Variants in WDR26 observed in about 807,000 individuals in gnomAD.
The protein encoded by WDR26 is WD repeat-containing protein 26.
WDR26 carries 5 observed loss-of-function variants against 84.1 expected under a neutral mutation model. The observed-to-expected ratio is 0.06, with a 90% confidence interval of 0.03 to 0.13. The LOEUF (loss-of-function observed/expected upper bound fraction) is 0.13, where lower values mean the gene tolerates loss of function less well. WDR26 is among the 10% of genes least tolerant of loss of function. The pLI, the probability that WDR26 is intolerant of heterozygous loss-of-function variation, is 1.00. For missense variants in WDR26, 642 were observed against 974.9 expected (o/e 0.66, Z 4.55); for synonymous variants, 415 against 389.6 (o/e 1.07, Z -0.77).
intron 13 of WDR26, among the ~76,000 whole-genome samples, chr1:224,392,266 C>T (rs1673149038): frequency 6.6e-6 from 1 of 151,508 alleles, no homozygotes; most frequent in African/African-American, 2.4e-5. Flanking sequence ...GAGGCTGAGG[C>T]AGGAGAATGG....
Position 224,411,410 on chromosome 1 carries a change from C to A in WDR26, c.1458+17G>T. ...TATCCCCTTTTGTAATATAAACACT[C>A]ATATTGGGGTACATACCGGATCAAC... is the stretch of plus-strand genomic sequence containing the variant. On this transcript the variant is annotated intron_variant, in intron 7 of 13. Transcript: ENST00000414423. The A allele has an allele frequency of 6.3e-7, 1 of 1,593,438 alleles. No homozygotes were observed. The highest frequency in any genetic ancestry group is 8.5e-7 in the Non-Finnish European group (1 of 1,172,356).
At chr1:224,416,517 C>T (rs1246392939) in intron 6 of WDR26, among the ~76,000 whole-genome samples, 1 of 152,212 alleles carries the variant, frequency 6.6e-6, no homozygotes, top group African/African-American at 2.4e-5. Flanking sequence ...TGAGCCACCA[C>T]ACCCAGCCTG....
Position 224,434,233 on chromosome 1 carries a change from G to T in WDR26, c.173C>A (p.Ser58Tyr). Residue 58 changes from serine to tyrosine, a missense_variant, in exon 1 of 14, where the codon TCC (serine) becomes TAC (tyrosine). Physicochemically the swap from Ser to Tyr is moderately radical, Grantham distance 144. Around this residue, in one of 2 missense-constraint regions of WDR26, gnomAD observed 291 missense variants for 302.1 expected, o/e 0.96. Coordinates refer to ENST00000414423, the MANE Select transcript of WDR26 (RefSeq NM_001379403.1). ...GGAGGAGGAGGAGGAGGAGGACGAGGACGACGAGGACGGAGGGGAGAGGCC... is the reference window on the plus strand; with the variant it reads ...GGAGGAGGAGGAGGAGGAGGACGAGTACGACGAGGACGGAGGGGAGAGGCC... 7.2e-7 allele frequency: 1 copy of T among 1,384,026 alleles called. No individual in the cohort carries two copies. Among genetic ancestry groups the T allele is most frequent in the South Asian group, 1.8e-5 (1 of 56,072 alleles). 85.7% of individuals were successfully genotyped at this position (1,384,026 alleles called of 1,614,324 possible).
chr1:224,389,613 C>G lies in WDR26; in HGVS notation c.*222G>C. The G allele has an allele frequency of 3.3e-6, 2 of 599,420 alleles. No homozygotes were observed. The highest frequency in any genetic ancestry group is 5.8e-6 in the Non-Finnish European group (2 of 343,596). 37.1% of individuals were successfully genotyped at this position (599,420 alleles called of 1,614,324 possible). A position where few individuals can be genotyped will look rare whatever the true frequency, so the allele number is the denominator to read the frequency against. ...CTTCACAACCGATGGGGGAATAATT[C>G]AACATGGTGTCCAACAACGTTCTAA... On this transcript the variant is annotated 3_prime_UTR_variant, in exon 14 of 14. Coordinates refer to ENST00000414423, the MANE Select transcript of WDR26 (RefSeq NM_001379403.1).
chr1:224,399,862 G>A (rs932250242), intron 9 of WDR26, among the ~76,000 whole-genome samples: 8 of 152,086 alleles, frequency 5.3e-5, no homozygotes, highest in Admixed American at 5.2e-4. Flanking sequence ...ATCCCAGCAC[G>A]TTGGGAGGCC....
intron 5 of WDR26, among the ~76,000 whole-genome samples, chr1:224,419,210 A>C (rs1673988131): frequency 2.0e-5 from 3 of 152,234 alleles, no homozygotes; most frequent in Admixed American, 2.0e-4. Context: ...AGCACTTGTG[A>C]CTTAAAACTG....
rs1027970738 is a variant in WDR26 at position 224,386,030 on chromosome 1, C to T, written c.*3805G>A. 5.2e-5 allele frequency: 8 copies of T among 152,416 alleles called. No homozygotes were observed. The highest frequency in any genetic ancestry group is 6.8e-3 in the Middle Eastern group (2 of 294). 9.4% of individuals were successfully genotyped at this position (152,416 alleles called of 1,614,324 possible). Reference sequence around the variant, plus strand: ...ATTGGTTTTGTTAAATCCAGGCTATCTGGATTAAGTAGATAGGGGATGGGT... The same window carrying T: ...ATTGGTTTTGTTAAATCCAGGCTATTTGGATTAAGTAGATAGGGGATGGGT... On this transcript the variant is annotated 3_prime_UTR_variant, in exon 14 of 14. Coordinates refer to ENST00000414423, the MANE Select transcript of WDR26 (RefSeq NM_001379403.1).
At chr1:224,400,248 T>C (rs1673374742) in intron 9 of WDR26, among the ~76,000 whole-genome samples, 1 of 151,738 alleles carries the variant, frequency 6.6e-6, no homozygotes, top group Non-Finnish European at 1.5e-5. Flanking sequence ...TCACCACTTT[T>C]ATTATTCAAA....
At chr1:224,425,643 TTTAAACC>T (rs1226928938) in intron 3 of WDR26, among the ~76,000 whole-genome samples, 1 of 152,202 alleles carries the variant, frequency 6.6e-6, no homozygotes, top group Non-Finnish European at 1.5e-5. Flanking sequence ...TGAAACTTCT[TTTAAACC>T]TTAAACCTAA....
At position 224,431,732 on chromosome 1, in the gene WDR26, G is replaced by A; in HGVS notation, c.772C>T (p.Pro258Ser). ...TGATTTCGGAATTTGGTAGCAGAAG[G>A]ATGTTCTAAACGACATCCTGACTCT... Residue 258 changes from proline (P) to serine (S), a missense_variant, in exon 2 of 14, where the codon CCT becomes TCT. By Grantham distance (74) the Pro-to-Ser change is moderately conservative (BLOSUM62 -1). Transcript: ENST00000414423. 6.2e-7 allele frequency: 1 copy of A among 1,613,940 alleles called. No homozygotes were observed. Among genetic ancestry groups the A allele is most frequent in the Non-Finnish European group, 8.5e-7 (1 of 1,179,878 alleles).
chr1:224,421,276 T>C (rs1202607003), intron 4 of WDR26, among the ~76,000 whole-genome samples: 1 of 152,188 alleles, frequency 6.6e-6, no homozygotes, highest in African/African-American at 2.4e-5. Context: ...GTGAATGATA[T>C]TCCGATGACA....
chr1:224,400,779 C>G (rs1469328412), intron 9 of WDR26, among the ~76,000 whole-genome samples, 171 bp downstream of exon 9: 1 of 152,212 alleles, frequency 6.6e-6, no homozygotes, highest in Middle Eastern at 3.2e-3. Flanking sequence ...CTCCTGATCT[C>G]AGGTGATCCA....
intron 7 of WDR26, among the ~76,000 whole-genome samples, chr1:224,410,048 A>G (rs1644689211): frequency 6.6e-6 from 1 of 151,944 alleles, no homozygotes; most frequent in Non-Finnish European, 1.5e-5. Context: ...TGGGAGGCCG[A>G]GGAGGGCAGA....
intron 12 of WDR26, among the ~76,000 whole-genome samples, chr1:224,397,179 C>T (rs1046896798): frequency 1.3e-5 from 2 of 152,076 alleles, no homozygotes; most frequent in Non-Finnish European, 2.9e-5. Flanking sequence ...TTTGTAGAGA[C>T]AGTGTCTAGC....
Position 224,434,019 on chromosome 1 carries a change from G to C in WDR26, c.387C>G (p.Thr129=). The change falls in exon 1 of 14, where the codon ACC becomes ACG. Residue 129 remains threonine (T), a synonymous_variant. Coordinates refer to ENST00000414423, the MANE Select transcript of WDR26 (RefSeq NM_001379403.1). ...GGGCCGACAAGCAGGCGAGTTCCGG[G>C]GTCTGTCCCTGGCCCCCGCCGCCCC... The C allele has an allele frequency of 2.0e-6, 3 of 1,497,430 alleles. No homozygotes were observed. Among genetic ancestry groups the C allele is most frequent in the South Asian group, 2.6e-5 (2 of 78,236 alleles). The allele number at this position is 1,497,430 out of a possible 1,614,324, so 92.8% of individuals were successfully genotyped here.
intron 12 of WDR26, among the ~76,000 whole-genome samples, chr1:224,396,774 C>T (rs1673275378): frequency 3.3e-5 from 5 of 152,046 alleles, no homozygotes; most frequent in South Asian, 2.1e-4. Context: ...GCCTGGGTAA[C>T]GCGGTGAAAC....
At position 224,387,887 on chromosome 1, in the gene WDR26, T is replaced by G. The variant is rs1233417176; in HGVS notation, c.*1948A>C. 3 of 152,572 alleles carry G rather than the reference T, an allele frequency of 2.0e-5. No homozygotes were observed. In the East Asian group the frequency reaches 5.8e-4, roughly 29 times the overall value. 9.5% of individuals were successfully genotyped at this position (152,572 alleles called of 1,614,324 possible). ...TTTTATTCAAGCTTAAAGTAAAAAG[T>G]AATTTTAGTTAAGAAAAATGAAGTA... On this transcript the variant is annotated 3_prime_UTR_variant, in exon 14 of 14. Coordinates refer to ENST00000414423, the MANE Select transcript of WDR26 (RefSeq NM_001379403.1).
At chr1:224,400,495 C>T (rs1263925574) in intron 9 of WDR26, among the ~76,000 whole-genome samples, 4 of 152,056 alleles carry the variant, frequency 2.6e-5, no homozygotes, top group African/African-American at 9.7e-5. Flanking sequence ...TATTGGACAG[C>T]GCTTGTCTAC....
At position 224,387,519 on chromosome 1, in the gene WDR26, C is replaced by T. The variant is rs1673016600; in HGVS notation, c.*2316G>A. 1 of 152,578 alleles carries T rather than the reference C, an allele frequency of 6.6e-6. No homozygotes were observed. The highest frequency in any genetic ancestry group is 2.1e-4 in the South Asian group (1 of 4,832). 9.5% of individuals were successfully genotyped at this position (152,578 alleles called of 1,614,324 possible). On this transcript the variant is annotated 3_prime_UTR_variant, in exon 14 of 14. Coordinates refer to ENST00000414423, the MANE Select transcript of WDR26 (RefSeq NM_001379403.1). ...AGTTATGTTCTTGTAAAATGTGCCT[C>T]ACTTTTACTCCACTTTTTAAAAAGT...
Sources: gnomAD v4.1 joint callset for allele counts (sites outside exome capture counted in the v4.1 genomes callset) on GRCh38, gnomAD v4.1.1 for gene constraint, gnomAD v4.1.1 regional missense constraint, MANE v1.5 for transcripts, NCBI Gene and HGNC (gene_info 2026-07-23, HGNC 2026-07-21) for gene names.